The following COL28A1 variants were observed in gnomAD, a reference collection of about 807,000 sequenced individuals.
COL28A1 encodes collagen type XXVIII alpha 1 chain, also known as collagen alpha-1(XXVIII) chain.
A neutral mutation model predicts 150.2 loss-of-function variants in COL28A1; 161 were observed. The ratio of observed to expected loss-of-function variants is 1.07; its 90% CI spans 0.94 to 1.22. The LOEUF (loss-of-function observed/expected upper bound fraction) is 1.22. Ranked by LOEUF, COL28A1 falls within the 50% of genes most tolerant of loss-of-function variation. COL28A1 has a pLI of 0.00. For synonymous variants in COL28A1, 552 were observed against 469.7 expected (o/e 1.18, Z -2.26); for missense variants, 1,617 against 1,388.3 (o/e 1.16, Z -2.62).
chr7:7,383,801 AG>A (rs1782032152), intron 27 of COL28A1, among the ~76,000 whole-genome samples: 1 of 151,322 alleles, frequency 6.6e-6, no homozygotes, highest in Admixed American at 6.6e-5. Context: ...ATGCACATTT[AG>A]GTTATTTCCA....
intron 15 of COL28A1, among the ~76,000 whole-genome samples, chr7:7,474,397 T>G (rs60668247): frequency 0.14 from 21,721 of 151,896 alleles, 1,691 homozygotes; most frequent in Middle Eastern, 0.22. Flanking sequence ...CTAAAGAACT[T>G]ACTCATGTAA....
At chr7:7,415,687 C>A (rs966929591) in intron 27 of COL28A1, among the ~76,000 whole-genome samples, 1 of 152,122 alleles carries the variant, frequency 6.6e-6, no homozygotes, top group Non-Finnish European at 1.5e-5. Flanking sequence ...GTACGCACCA[C>A]CATGCCTGGC....
At chr7:7,469,663 G>T (rs1788266868) in intron 15 of COL28A1, among the ~76,000 whole-genome samples, 1 of 101,508 alleles carries the variant, frequency 9.9e-6, no homozygotes, top group Admixed American at 1.2e-4. Flanking sequence ...TCAATCCCAA[G>T]CCAAAAGAAC....
chr7:7,404,465 C>T (rs1203677128), intron 27 of COL28A1, among the ~76,000 whole-genome samples: 1 of 152,058 alleles, frequency 6.6e-6, no homozygotes, highest in Non-Finnish European at 1.5e-5. Context: ...CTGTTACCTC[C>T]CTGACCTCAT....
At chr7:7,465,010 C>T (rs1787947411) in intron 15 of COL28A1, among the ~76,000 whole-genome samples, 1 of 152,130 alleles carries the variant, frequency 6.6e-6, no homozygotes, top group South Asian at 2.1e-4. Context: ...TCCAAAAGAT[C>T]ATTCAAGGCT....
chr7:7,389,813 TAAG>T (rs1356227789), intron 27 of COL28A1, among the ~76,000 whole-genome samples: 1 of 152,206 alleles, frequency 6.6e-6, no homozygotes, highest in East Asian at 1.9e-4. Flanking sequence ...TATTGGTGTA[TAAG>T]AATGCTTGTG....
At chr7:7,404,881 C>A (rs1006569871) in intron 27 of COL28A1, among the ~76,000 whole-genome samples, 2 of 152,052 alleles carry the variant, frequency 1.3e-5, no homozygotes, top group African/African-American at 4.8e-5. Flanking sequence ...CATTCATTTA[C>A]TATTTTATTT....
chr7:7,383,093 G>A (rs895421270), intron 27 of COL28A1, among the ~76,000 whole-genome samples: 1 of 151,788 alleles, frequency 6.6e-6, no homozygotes, highest in Non-Finnish European at 1.5e-5. Context: ...TATCTACCAC[G>A]TTAAAAAATA....
chr7:7,488,459 G>C (rs751559048), intron 13 of COL28A1, among the ~76,000 whole-genome samples: 5 of 152,172 alleles, frequency 3.3e-5, no homozygotes, highest in Admixed American at 6.5e-5. Flanking sequence ...TCCACAATCA[G>C]TTGTTTTTAT....
At chr7:7,399,381 C>T (rs1464846308) in intron 27 of COL28A1, among the ~76,000 whole-genome samples, 1 of 152,166 alleles carries the variant, frequency 6.6e-6, no homozygotes. Flanking sequence ...CTTGGATGCT[C>T]ACATCCTATC....
chr7:7,366,176 CTG>C (rs1001504921), intron 33 of COL28A1, among the ~76,000 whole-genome samples: 2 of 152,106 alleles, frequency 1.3e-5, no homozygotes, highest in African/African-American at 4.8e-5. Context: ...GATGAGAAAA[CTG>C]AGACCTCAGG....
At chr7:7,376,394 T>G (rs1781543357) in intron 30 of COL28A1, among the ~76,000 whole-genome samples, 1 of 152,232 alleles carries the variant, frequency 6.6e-6, no homozygotes, top group South Asian at 2.1e-4. Flanking sequence ...GGCTTAAAAG[T>G]AGAATATGTG....
In COL28A1 at chr7:7,358,664, T is replaced by C; in HGVS notation, c.3347A>G (p.Lys1116Arg). 6.2e-7 allele frequency: 1 copy of C among 1,614,020 alleles called. No homozygotes were observed. Among genetic ancestry groups the C allele is most frequent in the Non-Finnish European group, 8.5e-7 (1 of 1,179,936 alleles). The change falls in exon 35 of 35, where the codon AAG becomes AGG. Residue 1116 changes from lysine to arginine, a missense_variant. Transcript: ENST00000399429. ...TTGAATGCAGGTTTCTTGACATTCC[T>C]TTTCACTGTTGAATCTATTTCCTGA... ...NGSGNRFNSE[K>R]ECQETCIQG
intron 27 of COL28A1, among the ~76,000 whole-genome samples, chr7:7,393,323 T>A (rs1782653284): frequency 6.6e-6 from 1 of 152,188 alleles, no homozygotes; most frequent in Non-Finnish European, 1.5e-5. Context: ...ACCTGTTCAA[T>A]CCTCTGGAAG....
At chr7:7,389,119 T>C (rs1018984525) in intron 27 of COL28A1, among the ~76,000 whole-genome samples, 1 of 152,140 alleles carries the variant, frequency 6.6e-6, no homozygotes, top group Non-Finnish European at 1.5e-5. Flanking sequence ...TAGGGTTTTT[T>C]TTTAAGGTTT....
intron 15 of COL28A1, among the ~76,000 whole-genome samples, chr7:7,464,787 AG>A (rs1271626788): frequency 6.6e-6 from 1 of 152,236 alleles, no homozygotes; most frequent in African/African-American, 2.4e-5. Flanking sequence ...ACCCAAACTC[AG>A]CAGAAAGGAA....
chr7:7,399,133 A>C (rs1379483335), intron 27 of COL28A1, among the ~76,000 whole-genome samples: 1 of 151,874 alleles, frequency 6.6e-6, no homozygotes, highest in Non-Finnish European at 1.5e-5. Flanking sequence ...ATCAAAATAC[A>C]CCTTAGCCAC....
chr7:7,473,518 TCAA>T, intron 15 of COL28A1, among the ~76,000 whole-genome samples: 3 of 152,220 alleles, frequency 2.0e-5, no homozygotes, highest in Non-Finnish European at 4.4e-5. Flanking sequence ...ATGGCCATAA[TCAA>T]GAAATCAAAA....
intron 15 of COL28A1, among the ~76,000 whole-genome samples, chr7:7,463,506 G>T (rs917150159): frequency 1.3e-5 from 2 of 152,096 alleles, no homozygotes; most frequent in Non-Finnish European, 2.9e-5. Context: ...AAGGGATTGG[G>T]GTCCTATCAT....
Sources: allele counts gnomAD v4.1 joint callset (sites outside exome capture counted in the v4.1 genomes callset), GRCh38; gene constraint gnomAD v4.1.1; transcripts MANE v1.5; gene names NCBI Gene and HGNC (gene_info 2026-07-23, HGNC 2026-07-21).